Variants in NRG3 observed in about 807,000 individuals in gnomAD.
NRG3 encodes pro-neuregulin-3, membrane-bound isoform.
A neutral mutation model predicts 66.9 loss-of-function variants in NRG3; 31 were observed. That is an observed-to-expected ratio of 0.46 (90% confidence interval 0.35 to 0.63). NRG3 has a LOEUF of 0.63. NRG3 is among the 20% of genes least tolerant of loss of function. The probability of loss-of-function intolerance (pLI) is 0.00; values close to 1 mark genes in which losing one functional copy is unlikely to be tolerated. For synonymous variants in NRG3, 393 were observed against 359.4 expected (o/e 1.09, Z -1.06); for missense variants, 910 against 878.9 (o/e 1.04, Z -0.45).
Position 82,973,788 on chromosome 10 carries a change from T to G in NRG3, c.1285T>G (p.Tyr429Asp). 1 of 1,613,968 alleles carries G rather than the reference T, an allele frequency of 6.2e-7. No homozygotes were observed. The highest frequency in any genetic ancestry group is 2.2e-5 in the East Asian group (1 of 44,868). The change falls in exon 7 of 9, where the codon TAT becomes GAT. Residue 429 changes from tyrosine to aspartate, a missense_variant and splice_region_variant. By Grantham distance (160) the Tyr-to-Asp change is radical (BLOSUM62 -3). Transcript: ENST00000372141. Reference sequence around the variant, plus strand: ...ACTCTGTACGTGTGATTTCCCACAGTATTCAAAGGTGGAAAGGCATCCTGT... The same window carrying G: ...ACTCTGTACGTGTGATTTCCCACAGGATTCAAAGGTGGAAAGGCATCCTGT... ...LVKSHVQLQN[Y>D]SKVERHPVTA... is the part of the protein sequence containing the mutation.
chr10:82,165,141 C>A (rs373028619), intron 1 of NRG3, among the ~76,000 whole-genome samples: 15 of 152,198 alleles, frequency 9.9e-5, no homozygotes, highest in East Asian at 9.6e-4. Context: ...TTCTCTACAA[C>A]TGGACATTTA....
chr10:82,011,670 G>T (rs72819805), intron 1 of NRG3, among the ~76,000 whole-genome samples: 2,942 of 152,210 alleles, frequency 0.019, 47 homozygotes, highest in Non-Finnish European at 0.027. Context: ...CATTCCAAAT[G>T]GGAGAAATTG....
At chr10:82,614,693 G>T (rs1334504517) in intron 2 of NRG3, among the ~76,000 whole-genome samples, 2 of 152,072 alleles carry the variant, frequency 1.3e-5, no homozygotes, top group Non-Finnish European at 2.9e-5. Flanking sequence ...AGATCTCACA[G>T]TCTTAACATT....
At chr10:82,465,385 C>T (rs1193591435) in intron 2 of NRG3, among the ~76,000 whole-genome samples, 1 of 152,160 alleles carries the variant, frequency 6.6e-6, no homozygotes, top group East Asian at 1.9e-4. Context: ...AGAGGACTTG[C>T]TTCCCCAAGA....
chr10:82,580,680 T>G (rs1340579022), intron 2 of NRG3, among the ~76,000 whole-genome samples: 2 of 152,056 alleles, frequency 1.3e-5, no homozygotes, highest in Non-Finnish European at 2.9e-5. Context: ...TTTTTATCAC[T>G]TAATGATATG....
At chr10:82,367,551 A>G (rs2084618878) in intron 2 of NRG3, among the ~76,000 whole-genome samples, 4 of 152,252 alleles carry the variant, frequency 2.6e-5, no homozygotes, top group African/African-American at 7.2e-5. Context: ...TTTTTAAAAG[A>G]TAAATATTTT....
chr10:82,102,139 T>TATATATATGTGTGTGTATTC (rs1240905858), intron 1 of NRG3, among the ~76,000 whole-genome samples: 1 of 27,392 alleles, frequency 3.7e-5, no homozygotes, highest in East Asian at 7.1e-4. Context: ...TATTCATATA[T>TATATATATGTGTGTGTATTC]ATATATATAT....
chr10:82,117,152 G>A (rs2067776967), intron 1 of NRG3, among the ~76,000 whole-genome samples: 1 of 152,056 alleles, frequency 6.6e-6, no homozygotes, highest in Non-Finnish European at 1.5e-5. Flanking sequence ...TTCCTCTGGG[G>A]AACTTTCCAA....
At chr10:82,591,684 T>TCTCTCA (rs2046991721) in intron 2 of NRG3, among the ~76,000 whole-genome samples, 1 of 152,228 alleles carries the variant, frequency 6.6e-6, no homozygotes. Context: ...GTTAAGTAAC[T>TCTCTCA]TTCCCAAGGC....
intron 1 of NRG3, among the ~76,000 whole-genome samples, chr10:82,219,265 C>G (rs1364692760): frequency 6.8e-6 from 1 of 146,736 alleles, no homozygotes; most frequent in Admixed American, 7.0e-5. Context: ...TCTCTAGCCT[C>G]TACATACTAG....
At chr10:82,942,462 A>T (rs1452546388) in intron 4 of NRG3, among the ~76,000 whole-genome samples, 3 of 152,254 alleles carry the variant, frequency 2.0e-5, no homozygotes, top group Non-Finnish European at 4.4e-5. Flanking sequence ...AGTTAAGTAG[A>T]TATCATGCTA....
At chr10:82,877,187 C>A (rs916684458) in intron 4 of NRG3, among the ~76,000 whole-genome samples, 1 of 152,016 alleles carries the variant, frequency 6.6e-6, no homozygotes, top group Non-Finnish European at 1.5e-5. Flanking sequence ...GCAGATGCAG[C>A]AAAGTGAAGA....
chr10:82,045,327 G>A (rs2063228739), intron 1 of NRG3, among the ~76,000 whole-genome samples: 1 of 67,470 alleles, frequency 1.5e-5, no homozygotes, highest in African/African-American at 3.7e-5. Flanking sequence ...GTGATGATGA[G>A]CATTTTTTCA....
intron 1 of NRG3, among the ~76,000 whole-genome samples, chr10:82,048,109 G>A (rs2063399660): frequency 6.6e-6 from 1 of 151,608 alleles, no homozygotes; most frequent in South Asian, 2.1e-4. Context: ...CAAGTCCTGA[G>A]TGACCTACAA....
intron 3 of NRG3, among the ~76,000 whole-genome samples, chr10:82,785,397 A>C (rs563036863): frequency 2.6e-4 from 40 of 151,956 alleles, no homozygotes; most frequent in African/African-American, 9.2e-4. Flanking sequence ...ATTAAAAGAA[A>C]AAAGAAAAAG....
Position 82,788,819 on chromosome 10 carries a change from T to C in NRG3, c.1027+50169T>C, listed in dbSNP as rs114884450. Among the ~76,000 whole-genome samples the C allele has an allele frequency of 6.8e-3, 1,034 of 152,256 alleles. 12 individuals are homozygous for C. The highest frequency in any genetic ancestry group is 0.024 in the African/African-American group (996 of 41,556). The stretch of plus-strand genomic sequence containing the variant: ...AAATCATACCCTATGTGGTCTTTTG[T>C]GCCTGGCTTATTTCACTTAGGGTAA... On this transcript the variant is annotated intron_variant, in intron 3 of 8. Coordinates refer to ENST00000372141, the MANE Select transcript of NRG3 (RefSeq NM_001010848.4).
chr10:82,662,922 C>T (rs549535115), intron 2 of NRG3, among the ~76,000 whole-genome samples: 1 of 152,232 alleles, frequency 6.6e-6, no homozygotes, highest in South Asian at 2.1e-4. Flanking sequence ...ACTAGAGCCC[C>T]AGCCGATGTA....
intron 2 of NRG3, among the ~76,000 whole-genome samples, chr10:82,401,875 A>G (rs1420122232): frequency 3.9e-5 from 6 of 152,142 alleles, no homozygotes; most frequent in Admixed American, 1.3e-4. Context: ...AAAGTCATAG[A>G]AAATAAAAAT....
At chr10:82,034,390 G>T (rs561510517) in intron 1 of NRG3, among the ~76,000 whole-genome samples, 2 of 152,088 alleles carry the variant, frequency 1.3e-5, no homozygotes, top group African/African-American at 4.8e-5. Context: ...ACCGCAAGAT[G>T]CATCCTGCAA....
Sources: allele counts gnomAD v4.1 joint callset (sites outside exome capture counted in the v4.1 genomes callset), GRCh38; gene constraint gnomAD v4.1.1; transcripts MANE v1.5; gene names NCBI Gene and HGNC (gene_info 2026-07-23, HGNC 2026-07-21).